Variants in EYS observed in about 807,000 individuals in gnomAD.
The protein encoded by EYS is protein eyes shut homolog.
A neutral mutation model predicts 282.1 loss-of-function variants in EYS; 250 were observed. The ratio of observed to expected loss-of-function variants is 0.89; its 90% CI spans 0.80 to 0.98. EYS has a LOEUF of 0.98. Among genes scored for constraint, EYS ranks in the 50% least tolerant of loss-of-function variants. The probability of loss-of-function intolerance (pLI) is 0.00; values close to 1 mark genes in which losing one functional copy is unlikely to be tolerated. For synonymous variants in EYS, 1,355 were observed against 1,282.9 expected (o/e 1.06, Z -1.20); for missense variants, 4,016 against 3,709.0 (o/e 1.08, Z -2.15).
At chr6:64,052,811 G>A (rs1158634912) in intron 33 of EYS, among the ~76,000 whole-genome samples, 1 of 152,076 alleles carries the variant, frequency 6.6e-6, no homozygotes, top group East Asian at 1.9e-4. Flanking sequence ...TTCCCCACTT[G>A]CACTCATTCT....
intron 33 of EYS, among the ~76,000 whole-genome samples, chr6:64,027,674 A>T (rs1348892895): frequency 6.6e-6 from 1 of 152,174 alleles, no homozygotes; most frequent in Non-Finnish European, 1.5e-5. Context: ...GGACACTTTA[A>T]AAAAGATTGT....
At chr6:64,975,295 G>A (rs1386140910) in intron 14 of EYS, among the ~76,000 whole-genome samples, 1 of 151,386 alleles carries the variant, frequency 6.6e-6, no homozygotes, top group African/African-American at 2.4e-5. Flanking sequence ...AGCTTTCCTT[G>A]TTAAAAAAAA....
chr6:64,353,497 AAT>A (rs1162166552), intron 29 of EYS, among the ~76,000 whole-genome samples: 4 of 151,652 alleles, frequency 2.6e-5, no homozygotes, highest in Admixed American at 2.6e-4. Flanking sequence ...GACCTGGTGT[AAT>A]TTCAAGGGCA....
At chr6:65,513,727 A>G (rs1766994984) in intron 2 of EYS, among the ~76,000 whole-genome samples, 1 of 152,018 alleles carries the variant, frequency 6.6e-6, no homozygotes, top group Non-Finnish European at 1.5e-5. Flanking sequence ...AAGGCCTTTG[A>G]CAAAATTCAA....
intron 1 of EYS, among the ~76,000 whole-genome samples, chr6:65,675,848 G>A (rs185119234): frequency 6.6e-6 from 1 of 151,916 alleles, no homozygotes; most frequent in Non-Finnish European, 1.5e-5. Context: ...ATTGTAGGTT[G>A]CAACACAATC....
intron 31 of EYS, among the ~76,000 whole-genome samples, chr6:64,205,856 TAG>T (rs35786372): frequency 0.023 from 3,419 of 148,818 alleles, 89 homozygotes; most frequent in East Asian, 0.072. Context: ...TATATATATA[TAG>T]AGAGAGAGAG....
At chr6:65,220,763 T>G (rs961753865) in intron 12 of EYS, among the ~76,000 whole-genome samples, 6 of 152,114 alleles carry the variant, frequency 3.9e-5, no homozygotes, top group Non-Finnish European at 8.8e-5. Context: ...CAGAAAGATG[T>G]GGGAAGAGTT....
chr6:64,093,757 G>T (rs1185917485), intron 31 of EYS, among the ~76,000 whole-genome samples: 1 of 152,116 alleles, frequency 6.6e-6, no homozygotes, highest in Non-Finnish European at 1.5e-5. Context: ...TCCTTCTGCT[G>T]CCTGATTGCC....
At chr6:63,906,694 A>C (rs6926907) in intron 35 of EYS, among the ~76,000 whole-genome samples, 51,986 of 151,934 alleles carry the variant, frequency 0.34, 9,561 homozygotes, top group African/African-American at 0.47. Context: ...AATCTCCTGT[A>C]TTGCTTGGGT....
At chr6:64,680,378 G>A (rs1490277003) in intron 22 of EYS, among the ~76,000 whole-genome samples, 1 of 152,160 alleles carries the variant, frequency 6.6e-6, no homozygotes, top group Non-Finnish European at 1.5e-5. Context: ...GGAAACTTTT[G>A]TTTAAGAAAA....
intron 8 of EYS, among the ~76,000 whole-genome samples, chr6:65,364,685 T>C (rs1582191647): frequency 6.6e-6 from 1 of 151,590 alleles, no homozygotes; most frequent in African/African-American, 2.4e-5. Context: ...CTGGGTTAAT[T>C]TGGGTACTTT....
chr6:64,601,852 G>A (rs1020436249), intron 24 of EYS, among the ~76,000 whole-genome samples: 1 of 151,950 alleles, frequency 6.6e-6, no homozygotes. Flanking sequence ...CCCCACCATA[G>A]TTACTGTGCT....
At chr6:65,241,231 C>T (rs982999856) in intron 12 of EYS, among the ~76,000 whole-genome samples, 2 of 152,070 alleles carry the variant, frequency 1.3e-5, no homozygotes, top group Non-Finnish European at 1.5e-5. Flanking sequence ...AATAGATATA[C>T]TCATAAAACT....
chr6:64,829,421 G>A (rs1765151818), intron 19 of EYS, among the ~76,000 whole-genome samples: 1 of 151,950 alleles, frequency 6.6e-6, no homozygotes, highest in Admixed American at 6.6e-5. Context: ...AGAGACCATA[G>A]CCACTACACA....
At chr6:63,841,393 C>T (rs1485880093) in intron 36 of EYS, among the ~76,000 whole-genome samples, 1 of 152,056 alleles carries the variant, frequency 6.6e-6, no homozygotes, top group African/African-American at 2.4e-5. Context: ...ACTAATTAGC[C>T]AGTTCTTGTA....
At chr6:65,153,411 GTGTT>G (rs1215573551) in intron 12 of EYS, among the ~76,000 whole-genome samples, 8 of 131,878 alleles carry the variant, frequency 6.1e-5, no homozygotes, top group African/African-American at 2.3e-4. Context: ...GTGTGTGTGT[GTGTT>G]AACCACTAAA....
chr6:64,544,767 C>A (rs1764798553), intron 26 of EYS, among the ~76,000 whole-genome samples: 1 of 152,108 alleles, frequency 6.6e-6, no homozygotes, highest in African/African-American at 2.4e-5. Flanking sequence ...ACCAGAAAAC[C>A]TAGAAGAAAT....
At chr6:64,513,911 G>A (rs182295739) in intron 26 of EYS, among the ~76,000 whole-genome samples, 2 of 151,952 alleles carry the variant, frequency 1.3e-5, no homozygotes, top group Admixed American at 6.6e-5. Flanking sequence ...TAAGATCTTA[G>A]AACAGAAAGC....
At chr6:64,820,409 C>T (rs1583191814) in intron 21 of EYS, among the ~76,000 whole-genome samples, 1 of 152,134 alleles carries the variant, frequency 6.6e-6, no homozygotes, top group Middle Eastern at 3.4e-3. Context: ...GATATTTGTA[C>T]TATTAAGAAA....
Sources: gnomAD v4.1 joint callset for allele counts (sites outside exome capture counted in the v4.1 genomes callset) on GRCh38, gnomAD v4.1.1 for gene constraint, MANE v1.5 for transcripts, NCBI Gene and HGNC (gene_info 2026-07-23, HGNC 2026-07-21) for gene names.